The following ABCA7 variants were observed in gnomAD, a reference collection of about 807,000 sequenced individuals.
ABCA7 encodes the protein phospholipid-transporting ATPase ABCA7.
A neutral mutation model predicts 227.6 loss-of-function variants in ABCA7; 261 were observed. The observed-to-expected ratio is 1.15, with a 90% CI of 1.04 to 1.27. The LOEUF (loss-of-function observed/expected upper bound fraction) is 1.27. Ranked by LOEUF, ABCA7 falls within the 50% of genes most tolerant of loss-of-function variation. The probability of loss-of-function intolerance (pLI) is 0.00; values close to 1 mark genes in which losing one functional copy is unlikely to be tolerated. For missense variants in ABCA7, 3,331 were observed against 2,924.5 expected, an observed-to-expected ratio of 1.14 and a Z score of -3.21; for synonymous variants, 1,488 against 1,279.7, an observed-to-expected ratio of 1.16 and a Z score of -3.47.
At chr19:1,061,755 G>C in intron 40 of ABCA7, 27 bp from the exon 41 acceptor site, 1 of 1,596,650 alleles carries the variant, frequency 6.3e-7, no homozygotes, top group Non-Finnish European at 8.6e-7. Context: ...GGGCCTCACT[G>C]AGCACCATCT....
At chr19:1,061,745 G>A in intron 40 of ABCA7, 37 bp from the exon 41 acceptor site, 2 of 1,581,446 alleles carry the variant, frequency 1.3e-6, no homozygotes, top group South Asian at 2.3e-5. Context: ...CCAGGGCCTG[G>A]GGCCTCACTG....
At chr19:1,043,282 G>C (rs773144442) in intron 8 of ABCA7, 31 bp downstream of exon 8, 1 of 1,611,230 alleles carries the variant, frequency 6.2e-7, no homozygotes, top group South Asian at 1.1e-5. Context: ...TCCCCTCTTG[G>C]GAAGTGGAAC....
At chr19:1,062,481 A>G (rs1436239581) in intron 42 of ABCA7, among the ~76,000 whole-genome samples, 168 bp downstream of exon 42, 1 of 151,898 alleles carries the variant, frequency 6.6e-6, no homozygotes, top group Non-Finnish European at 1.5e-5. Flanking sequence ...TCCTGGTCCA[A>G]TAGGGATGTG....
chr19:1,050,878 G>C, intron 18 of ABCA7, 43 bp from the exon 19 acceptor site: 1 of 1,472,406 alleles, frequency 6.8e-7, no homozygotes, highest in Non-Finnish European at 9.0e-7. Context: ...AACTGCCAGT[G>C]CACTCTGTGA....
chr19:1,062,304 G>T lies in ABCA7; in HGVS notation c.5703G>T (p.Gln1901His). 6.2e-7 allele frequency: 1 copy of T among 1,604,020 alleles called. No homozygotes were observed. The highest frequency in any genetic ancestry group is 8.5e-7 in the Non-Finnish European group (1 of 1,179,466). ...GCCTGCGCGGTGTCCCGGAGGCCCA[G>T]GTTGCCCAGGTGAGCCCACTTTGTC... ...LARLRGVPEAQVAQTAGSGLA... is the reference protein window; with the variant it reads ...LARLRGVPEAHVAQTAGSGLA... Residue 1901 changes from glutamine (Q) to histidine (H), a missense_variant, in exon 42 of 47, where the codon CAG (glutamine) becomes CAT (histidine). Transcript: ENST00000263094.
chr19:1,042,039 C>T, intron 4 of ABCA7, 25 bp from the exon 5 acceptor site: 1 of 1,584,664 alleles, frequency 6.3e-7, no homozygotes, highest in Non-Finnish European at 8.5e-7. Flanking sequence ...CGGAACCCCG[C>T]CTCCTGCCCT....
At chr19:1,057,480 T>C in intron 35 of ABCA7, 51 bp downstream of exon 35, 4 of 1,508,726 alleles carry the variant, frequency 2.7e-6, no homozygotes, top group Non-Finnish European at 2.8e-6. Flanking sequence ...CTTACTGCCT[T>C]CCACATTAAT....
At chr19:1,043,667 G>A (rs1325497984) in intron 9 of ABCA7, 58 bp from the exon 10 acceptor site, 15 of 1,574,692 alleles carry the variant, frequency 9.5e-6, no homozygotes, top group East Asian at 4.5e-5. Flanking sequence ...GGGGCAGGGG[G>A]TGGGCAGGGG....
At position 1,056,755 on chromosome 19, in the gene ABCA7, A is replaced by T. The variant is rs1271691360; in HGVS notation, c.4587-152A>T. ...AGACCTGTACAACCTCTGCTGCCAAATCCCAGGCACCCTCATCCCTAAATT... is the reference window on the plus strand; with the variant it reads ...AGACCTGTACAACCTCTGCTGCCAATTCCCAGGCACCCTCATCCCTAAATT... On this transcript the variant is annotated intron_variant, in intron 33 of 46. Transcript: ENST00000263094. This position sits in a 1 kb window ranked among gnomAD's most constrained non-coding sequence, Gnocchi z 4.3. The T allele has an allele frequency of 1.0e-6, 1 of 993,732 alleles. No homozygotes were observed. The highest frequency in any genetic ancestry group is 1.5e-6 in the Non-Finnish European group (1 of 658,860). The allele number at this position is 993,732 out of a possible 1,614,324, so 61.6% of individuals were successfully genotyped here. A position where few individuals can be genotyped will look rare whatever the true frequency, so the allele number is the denominator to read the frequency against.
At chr19:1,061,602 G>A (rs2042659829) in intron 40 of ABCA7, among the ~76,000 whole-genome samples, 180 bp from the exon 41 acceptor site, 1 of 151,756 alleles carries the variant, frequency 6.6e-6, no homozygotes, top group South Asian at 2.1e-4. Flanking sequence ...GGGAGGCTAA[G>A]GCAGGAGAAT....
rs774437022 is a variant in ABCA7, at chr19:1,054,677, TC to T, written c.3835del (p.Gln1279ArgfsTer94). ...GGCTCAGTCCCACCATGTACGGTGC[TC>T]AGGTGTCCTTCTTCAGGTGGGTGCA... ...LRLSPTMYGA[Q>X]VSFFSEDAPG... is the part of the protein sequence containing the mutation. On this transcript the variant is annotated frameshift_variant, in exon 28 of 47. Coordinates refer to ENST00000263094, the MANE Select transcript of ABCA7 (RefSeq NM_019112.4). LOFTEE classifies it high-confidence loss of function. The surrounding 1 kb of genome is among the most constrained non-coding windows in gnomAD (Gnocchi z 4.8). 1.2e-6 allele frequency: 2 copies of T among 1,612,806 alleles called. No individual in the cohort carries two copies. The highest frequency in any genetic ancestry group is 2.2e-5 in the South Asian group (2 of 91,074).
intron 12 of ABCA7, chr19:1,045,462 A>G: frequency 1.8e-6 from 1 of 563,510 alleles, no homozygotes; most frequent in Non-Finnish European, 3.2e-6. Flanking sequence ...AGATGAGAGC[A>G]GGTATAGGTT....
chr19:1,043,933 CCCA>C (rs2040327397), intron 10 of ABCA7, 92 bp downstream of exon 10: 2 of 1,051,366 alleles, frequency 1.9e-6, no homozygotes, highest in South Asian at 2.7e-5. Context: ...CGTGCAGACC[CCCA>C]CTTTTTTTTT....
At position 1,063,557 on chromosome 19, in the gene ABCA7, G is replaced by T. The variant is rs1205177560; in HGVS notation, c.5726G>T (p.Gly1909Val). The change falls in exon 43 of 47, where the codon GGC (glycine) becomes GTC (valine). Residue 1909 changes from glycine to valine, a missense_variant. By Grantham distance (109) the Gly-to-Val change is moderately radical (BLOSUM62 -3). Transcript: ENST00000263094. ...EAQVAQTAGS[G>V]LARLGLSWYA... ...CCCACCCCACAGACCGCTGGCTCGGGCCTGGCGCGTCTGGGACTCTCATGG... is the reference window on the plus strand; with the variant it reads ...CCCACCCCACAGACCGCTGGCTCGGTCCTGGCGCGTCTGGGACTCTCATGG... 6.2e-7 allele frequency: 1 copy of T among 1,610,574 alleles called. No individual in the cohort carries two copies. Among genetic ancestry groups the T allele is most frequent in the Non-Finnish European group, 8.5e-7 (1 of 1,179,888 alleles).
At chr19:1,048,501 AAAAAAAAAC>A (rs1174442268) in intron 16 of ABCA7, among the ~76,000 whole-genome samples, 3 of 123,824 alleles carry the variant, frequency 2.4e-5, no homozygotes, top group Non-Finnish European at 3.4e-5. Context: ...AGTCTCAAAA[AAAAAAAAAC>A]AAAAAAAAAA....
At position 1,054,730 on chromosome 19, in the gene ABCA7, C is replaced by G. The variant is rs1229337061; in HGVS notation, c.3851+36C>G. 1 of 1,607,770 alleles carries G rather than the reference C, an allele frequency of 6.2e-7. No individual in the cohort carries two copies. On this transcript the variant is annotated intron_variant, in intron 28 of 46. Transcript: ENST00000263094. The surrounding 1 kb of genome is among the most constrained non-coding windows in gnomAD (Gnocchi z 4.8). ...AAGGAAGGGGCTGGTGGCAGGAAGA[C>G]TAGGGACCTGGGGGTACAGCCCTGA... is the stretch of plus-strand genomic sequence containing the variant.
At chr19:1,063,406 A>G (rs2042815365) in intron 42 of ABCA7, 138 bp from the exon 43 acceptor site, 4 of 1,229,770 alleles carry the variant, frequency 3.3e-6, no homozygotes, top group Non-Finnish European at 4.5e-6. Context: ...CCACCACACT[A>G]TGTCCCATTC....
Position 1,057,068 on chromosome 19 carries a change from AC to A in ABCA7, c.4749del (p.Leu1585SerfsTer70). 6.2e-7 allele frequency: 1 copy of A among 1,612,944 alleles called. No homozygotes were observed. Among genetic ancestry groups the A allele is most frequent in the Non-Finnish European group, 8.5e-7 (1 of 1,179,732 alleles). ...TCCCCCACCCTCTACTGGCTTGGCAACTTTCTCTGGGACATGGTGCGGGGGC... is the reference window on the plus strand; with the variant it reads ...TCCCCCACCCTCTACTGGCTTGGCAATTTCTCTGGGACATGGTGCGGGGGC... ...GLSPTLYWLG[N>X]FLWDMCNYLV... is the part of the protein sequence containing the mutation. On this transcript the variant is annotated frameshift_variant, in exon 34 of 47. Coordinates refer to ENST00000263094, the MANE Select transcript of ABCA7 (RefSeq NM_019112.4). LOFTEE classifies it high-confidence loss of function.
intron 16 of ABCA7, among the ~76,000 whole-genome samples, chr19:1,048,309 C>G (rs1302512402): frequency 6.7e-6 from 1 of 148,150 alleles, no homozygotes; most frequent in Non-Finnish European, 1.5e-5. Context: ...ACCAGCCTGA[C>G]CAACATGGAG....
Sources: allele counts gnomAD v4.1 joint callset (sites outside exome capture counted in the v4.1 genomes callset), GRCh38; gene constraint gnomAD v4.1.1; non-coding constraint Gnocchi (gnomAD v3.1); transcripts MANE v1.5; gene names NCBI Gene and HGNC (gene_info 2026-07-23, HGNC 2026-07-21).